The following GLMN variants were observed in gnomAD, a reference collection of about 807,000 sequenced individuals.
GLMN encodes the protein glomulin, FKBP associated protein, also known as glomulin.
Under a neutral mutation model 87.8 loss-of-function variants are expected in GLMN, and 75 were observed. The ratio of observed to expected loss-of-function variants is 0.85; its 90% confidence interval spans 0.71 to 1.04. GLMN has a LOEUF of 1.04. Among genes scored for constraint, GLMN ranks in the 50% least tolerant of loss-of-function variants. GLMN has a pLI of 0.00. For missense variants in GLMN, 588 were observed against 658.8 expected, an observed-to-expected ratio of 0.89 and a Z score of 1.18; for synonymous variants, 206 against 221.6, an observed-to-expected ratio of 0.93 and a Z score of 0.63.
the GLMN span, chr1:92,307,199 C>T: frequency 6.2e-7 from 1 of 1,610,100 alleles, no homozygotes; most frequent in South Asian, 1.1e-5. Context: ...CTTTTTGCAG[C>T]AATTTTTGTT....
chr1:92,279,292 C>G (rs942703510), intron 7 of GLMN, among the ~76,000 whole-genome samples: 1 of 151,780 alleles, frequency 6.6e-6, no homozygotes. Context: ...CCCAACTCTA[C>G]TAAAAATACA....
intron 7 of GLMN, among the ~76,000 whole-genome samples, chr1:92,275,467 C>T (rs574998477): frequency 6.6e-6 from 1 of 152,292 alleles, no homozygotes; most frequent in East Asian, 1.9e-4. Context: ...TTTCCCTCAA[C>T]AGTTTGCACC....
intron 16 of GLMN, among the ~76,000 whole-genome samples, chr1:92,258,406 T>G (rs1478038668): frequency 6.6e-6 from 1 of 152,212 alleles, no homozygotes; most frequent in Non-Finnish European, 1.5e-5. Context: ...TTACTGGGTA[T>G]ATACCCAAAA....
Position 92,271,561 on chromosome 1 carries a change from T to G in GLMN, c.827A>C (p.Glu276Ala). The change falls in exon 8 of 19, where the codon GAA (glutamate) becomes GCA (alanine). Residue 276 changes from glutamate to alanine, a missense_variant. Transcript: ENST00000370360. ...GTCTGCTAACTGTTTATTTTCTTCT[T>G]CTTCAAATTCAAGGTAATTCCAAGT... ...KRTWNYLEFEEEENKQLADSM... is the reference protein window; with the variant it reads ...KRTWNYLEFEAEENKQLADSM... The G allele has an allele frequency of 6.2e-7, 1 of 1,611,884 alleles. No individual in the cohort carries two copies. The highest frequency in any genetic ancestry group is 8.5e-7 in the Non-Finnish European group (1 of 1,178,008).
chr1:92,256,436 C>T (rs1170445868), intron 16 of GLMN, among the ~76,000 whole-genome samples: 1 of 152,092 alleles, frequency 6.6e-6, no homozygotes, highest in Non-Finnish European at 1.5e-5. Flanking sequence ...CAAAACCTGG[C>T]AGAGACACAA....
chr1:92,255,639 G>T (rs1230040754), intron 16 of GLMN, among the ~76,000 whole-genome samples: 1 of 152,134 alleles, frequency 6.6e-6, no homozygotes, highest in Non-Finnish European at 1.5e-5. Context: ...CATGGAAACT[G>T]AACAACCTGC....
the GLMN span, among the ~76,000 whole-genome samples, chr1:92,342,656 A>G: frequency 6.6e-6 from 1 of 152,210 alleles, no homozygotes; most frequent in Non-Finnish European, 1.5e-5. Flanking sequence ...TAATCTAGGT[A>G]AGAAATGGTG....
chr1:92,297,232 G>A (rs1181439189), intron 3 of GLMN, among the ~76,000 whole-genome samples, 172 bp downstream of exon 3: 3 of 150,674 alleles, frequency 2.0e-5, no homozygotes, highest in African/African-American at 4.9e-5. Flanking sequence ...GATTACGAAC[G>A]TGAGCCACTG....
At chr1:92,304,781 C>T in the GLMN span, among the ~76,000 whole-genome samples, 61 of 152,274 alleles carry the variant, frequency 4.0e-4, no homozygotes, top group African/African-American at 1.4e-3. Flanking sequence ...ATGCCTATCT[C>T]AGTCTCTATA....
chr1:92,326,070 T>C, the GLMN span, among the ~76,000 whole-genome samples: 2 of 152,060 alleles, frequency 1.3e-5, no homozygotes, highest in African/African-American at 4.8e-5. Flanking sequence ...GGTTATCGTA[T>C]ATGCATATAT....
rs1650529504 is a variant in GLMN, at chr1:92,298,929, C to G, written c.-35G>C. On this transcript the variant is annotated 5_prime_UTR_variant, in exon 1 of 19. Coordinates refer to ENST00000370360, the MANE Select transcript of GLMN (RefSeq NM_053274.3). ...CCTCTCCACAACTCCACTTACCGGCCAGAACCCTCGCCTCTCCCAGCCGCC... is the reference window on the plus strand; with the variant it reads ...CCTCTCCACAACTCCACTTACCGGCGAGAACCCTCGCCTCTCCCAGCCGCC... 1 of 478,734 alleles carries G rather than the reference C, an allele frequency of 2.1e-6. No homozygotes were observed. The highest frequency in any genetic ancestry group is 3.7e-6 in the Non-Finnish European group (1 of 269,056). 29.7% of individuals were successfully genotyped at this position (478,734 alleles called of 1,614,324 possible).
At position 92,298,926 on chromosome 1, in the gene GLMN, G is replaced by A. The variant is rs1208407534; in HGVS notation, c.-32C>T. ...GAACCTCTCCACAACTCCACTTACCGGCCAGAACCCTCGCCTCTCCCAGCC... is the reference window on the plus strand; with the variant it reads ...GAACCTCTCCACAACTCCACTTACCAGCCAGAACCCTCGCCTCTCCCAGCC... On this transcript the variant is annotated splice_region_variant and 5_prime_UTR_variant, in exon 1 of 19. Transcript: ENST00000370360. 2 of 474,230 alleles carry A rather than the reference G, an allele frequency of 4.2e-6. No individual in the cohort carries two copies. The highest frequency in any genetic ancestry group is 7.5e-6 in the Non-Finnish European group (2 of 266,800). The allele number at this position is 474,230 out of a possible 1,614,324, so 29.4% of individuals were successfully genotyped here.
rs372548581 is a variant in GLMN at position 92,281,532 on chromosome 1, C to T, written c.735+4958G>A. ...GCAAAAACATGCCAAATGGTAAAGA[C>T]CAGTGACACTATGAAGAAACTGCAT... On this transcript the variant is annotated intron_variant, in intron 7 of 18. Coordinates refer to ENST00000370360, the MANE Select transcript of GLMN (RefSeq NM_053274.3). Among the ~76,000 whole-genome samples, 7 of 152,200 alleles carry T rather than the reference C, an allele frequency of 4.6e-5. 1 individual carries two copies. In the South Asian group the frequency reaches 1.5e-3, roughly 32 times the overall value.
chr1:92,250,265 TTGAA>T (rs1388761384), intron 16 of GLMN, among the ~76,000 whole-genome samples: 1 of 151,592 alleles, frequency 6.6e-6, no homozygotes, highest in African/African-American at 2.4e-5. Flanking sequence ...TATCTAAAAC[TTGAA>T]TGTTTTGCAT....
chr1:92,357,398 A>C, the GLMN span, among the ~76,000 whole-genome samples: 1 of 152,232 alleles, frequency 6.6e-6, no homozygotes, highest in Non-Finnish European at 1.5e-5. Context: ...GGGGCCATAC[A>C]AAGTTGATGG....
intron 16 of GLMN, among the ~76,000 whole-genome samples, chr1:92,262,559 A>G (rs1570878253): frequency 3.3e-5 from 5 of 152,218 alleles, no homozygotes; most frequent in Admixed American, 3.3e-4. Flanking sequence ...ACAAGACACC[A>G]TATGTACGTT....
At position 92,264,657 on chromosome 1, in the gene GLMN, A is replaced by G; in HGVS notation, c.1215-19T>C. On this transcript the variant is annotated intron_variant, in intron 13 of 18. Coordinates refer to ENST00000370360, the MANE Select transcript of GLMN (RefSeq NM_053274.3). ...TAAGCACCTTGAAAGCAAAATTACAATAGATGTGAAATTATCCTGGACAGC... is the reference window on the plus strand; with the variant it reads ...TAAGCACCTTGAAAGCAAAATTACAGTAGATGTGAAATTATCCTGGACAGC... The G allele has an allele frequency of 7.8e-7, 1 of 1,288,092 alleles. No homozygotes were observed. Among genetic ancestry groups the G allele is most frequent in the Non-Finnish European group, 1.1e-6 (1 of 882,860 alleles). 79.8% of individuals were successfully genotyped at this position (1,288,092 alleles called of 1,614,324 possible). A position where few individuals can be genotyped will look rare whatever the true frequency, so the allele number is the denominator to read the frequency against.
the GLMN span, among the ~76,000 whole-genome samples, chr1:92,351,631 C>T: frequency 5.3e-5 from 8 of 152,214 alleles, no homozygotes; most frequent in East Asian, 1.4e-3. Flanking sequence ...TATATTTGAG[C>T]CTGTAACACA....
the GLMN span, among the ~76,000 whole-genome samples, chr1:92,321,840 G>A: frequency 6.6e-6 from 1 of 150,530 alleles, no homozygotes; most frequent in Non-Finnish European, 1.5e-5. Context: ...ACCAGAATTA[G>A]AAAATGTTTA....
Sources: allele counts gnomAD v4.1 joint callset (sites outside exome capture counted in the v4.1 genomes callset), GRCh38; gene constraint gnomAD v4.1.1; transcripts MANE v1.5; gene names NCBI Gene and HGNC (gene_info 2026-07-23, HGNC 2026-07-21).